Variants in KCTD16 observed in about 807,000 individuals in gnomAD.
KCTD16 encodes the protein potassium channel tetramerization domain containing 16, also known as BTB/POZ domain-containing protein KCTD16.
In KCTD16, 13 loss-of-function variants were observed where a neutral mutation model predicts 33.2. That is an observed-to-expected ratio of 0.39 (90% CI 0.25 to 0.62). The LOEUF (loss-of-function observed/expected upper bound fraction) is 0.62. KCTD16 is among the 20% of genes least tolerant of loss of function. The pLI, the probability that KCTD16 is intolerant of heterozygous loss-of-function variation, is 0.50. For missense variants in KCTD16, 441 were observed against 525.1 expected (o/e 0.84, Z 1.57); for synonymous variants, 197 against 195.3 (o/e 1.01, Z -0.07).
intron 2 of KCTD16, among the ~76,000 whole-genome samples, chr5:144,191,481 C>T (rs1054589108): frequency 3.9e-5 from 6 of 152,134 alleles, no homozygotes; most frequent in Admixed American, 6.5e-5. Context: ...TTTTCAACCA[C>T]TTTTCCCTTC....
At chr5:144,254,174 G>A (rs554073152) in intron 3 of KCTD16, among the ~76,000 whole-genome samples, 1 of 151,508 alleles carries the variant, frequency 6.6e-6, no homozygotes, top group Non-Finnish European at 1.5e-5. Context: ...GTCTCGCTCT[G>A]TCGCCCAGGC....
rs1325519716 is a variant in KCTD16, at chr5:144,320,003, T to G, written c.832+112457T>G. On this transcript the variant is annotated intron_variant, in intron 3 of 3. Coordinates refer to ENST00000512467, the MANE Select transcript of KCTD16 (RefSeq NM_020768.4). ...ATTCAACTTGACTGAAAGCTCCTCTTTTACCATTGCTTTATATTTAGAGTA... is the reference window on the plus strand; with the variant it reads ...ATTCAACTTGACTGAAAGCTCCTCTGTTACCATTGCTTTATATTTAGAGTA... Among the ~76,000 whole-genome samples, 5 of 152,272 alleles carry G rather than the reference T, an allele frequency of 3.3e-5. No homozygotes were observed. The East Asian group carries it at 7.7e-4, about 24-fold the overall frequency.
chr5:144,422,535 G>A (rs1712955190), intron 3 of KCTD16, among the ~76,000 whole-genome samples: 1 of 152,150 alleles, frequency 6.6e-6, no homozygotes, highest in South Asian at 2.1e-4. Context: ...TCTCCAAATA[G>A]TACAGCCCTA....
At chr5:144,315,165 C>A (rs1425908795) in intron 3 of KCTD16, among the ~76,000 whole-genome samples, 1 of 152,148 alleles carries the variant, frequency 6.6e-6, no homozygotes, top group Non-Finnish European at 1.5e-5. Context: ...TTTGTGAAGA[C>A]CAGAGAACTG....
At chr5:144,465,291 C>T (rs1754303387) in intron 3 of KCTD16, among the ~76,000 whole-genome samples, 3 of 149,608 alleles carry the variant, frequency 2.0e-5, no homozygotes, top group Admixed American at 1.4e-4. Context: ...AGTACCCTGT[C>T]CTGTGTTTAT....
rs750271620 is a variant in KCTD16, at chr5:144,474,123, T to G, written c.*9T>G. ...GGAAGTATCATCTATAAGGGAGGGCTGGGGGCGGGAAAAGAAAAAAAAAAG... is the reference window on the plus strand; with the variant it reads ...GGAAGTATCATCTATAAGGGAGGGCGGGGGGCGGGAAAAGAAAAAAAAAAG... On this transcript the variant is annotated 3_prime_UTR_variant, in exon 4 of 4. Coordinates refer to ENST00000512467, the MANE Select transcript of KCTD16 (RefSeq NM_020768.4). 1.4e-5 allele frequency: 20 copies of G among 1,466,046 alleles called. No homozygotes were observed. Among genetic ancestry groups the G allele is most frequent in the East Asian group, 4.6e-5 (2 of 43,744 alleles). 90.8% of individuals were successfully genotyped at this position (1,466,046 alleles called of 1,614,324 possible). A position where few individuals can be genotyped will look rare whatever the true frequency, so the allele number is the denominator to read the frequency against.
chr5:144,284,852 C>G (rs1399648487), intron 3 of KCTD16, among the ~76,000 whole-genome samples: 1 of 152,168 alleles, frequency 6.6e-6, no homozygotes, highest in Admixed American at 6.5e-5. Context: ...ATGGAAGCCT[C>G]TTTTTCCTCT....
intron 3 of KCTD16, among the ~76,000 whole-genome samples, chr5:144,355,017 A>T (rs1751540893): frequency 6.6e-6 from 1 of 152,174 alleles, no homozygotes; most frequent in African/African-American, 2.4e-5. Flanking sequence ...TCTTCACAAC[A>T]TCCCCAGGAG....
Position 144,330,411 on chromosome 5 carries a change from CAAAAAAAAAAAA to C in KCTD16, c.832+122877_832+122888del, listed in dbSNP as rs10577099. Among the ~76,000 whole-genome samples the C allele has an allele frequency of 6.9e-5, 6 of 87,412 alleles. No individual in the cohort carries two copies. The Admixed American group carries it at 7.6e-4, about 11-fold the overall frequency. The allele number at this position is 87,412 out of a possible 152,430, so 57.3% of individuals were successfully genotyped here. On this transcript the variant is annotated intron_variant, in intron 3 of 3. Transcript: ENST00000512467. Reference sequence around the variant, plus strand: ...CTGGGCAACAAGAGCGAAACTCCATCAAAAAAAAAAAAAAAAAAAAAAAGACATCTAAGGCTT... The same window carrying C: ...CTGGGCAACAAGAGCGAAACTCCATCAAAAAAAAAAAGACATCTAAGGCTT...
intron 3 of KCTD16, among the ~76,000 whole-genome samples, chr5:144,404,116 C>T (rs1205726294): frequency 2.6e-5 from 4 of 152,142 alleles, no homozygotes; most frequent in African/African-American, 4.8e-5. Flanking sequence ...CTGAGAATGT[C>T]TCATGCTCTA....
chr5:144,460,418 T>C (rs2895226), intron 3 of KCTD16, among the ~76,000 whole-genome samples: 66,705 of 151,984 alleles, frequency 0.44, 14,949 homozygotes, highest in East Asian at 0.67. Context: ...TTTATTTTCT[T>C]CATAGCCCTC....
chr5:144,300,975 G>T (rs958455310), intron 3 of KCTD16, among the ~76,000 whole-genome samples: 2 of 152,110 alleles, frequency 1.3e-5, no homozygotes, highest in African/African-American at 2.4e-5. Flanking sequence ...CGGCACAGTG[G>T]CTTACTCCTG....
At chr5:144,247,925 G>A (rs935549418) in intron 3 of KCTD16, among the ~76,000 whole-genome samples, 1 of 152,112 alleles carries the variant, frequency 6.6e-6, no homozygotes, top group Non-Finnish European at 1.5e-5. Context: ...TGATGAGCAG[G>A]TCCTGGGCTA....
intron 3 of KCTD16, among the ~76,000 whole-genome samples, chr5:144,361,991 T>G (rs1000992989): frequency 2.6e-5 from 4 of 151,864 alleles, no homozygotes; most frequent in Non-Finnish European, 5.9e-5. Context: ...TCACTTAACA[T>G]TTCTCCAAAT....
At chr5:144,204,274 G>T (rs1303903259) in intron 2 of KCTD16, among the ~76,000 whole-genome samples, 2 of 152,152 alleles carry the variant, frequency 1.3e-5, no homozygotes, top group Non-Finnish European at 2.9e-5. Context: ...AATTGTTTGG[G>T]ATGGCGTGTG....
At chr5:144,368,592 C>A (rs557006363) in intron 3 of KCTD16, among the ~76,000 whole-genome samples, 5 of 152,220 alleles carry the variant, frequency 3.3e-5, no homozygotes, top group African/African-American at 1.2e-4. Context: ...TAAAAAAGCC[C>A]AGCCCAGACA....
chr5:144,345,993 C>T (rs1752790889), intron 3 of KCTD16, among the ~76,000 whole-genome samples: 1 of 150,980 alleles, frequency 6.6e-6, no homozygotes, highest in Non-Finnish European at 1.5e-5. Context: ...CCTCCACCTC[C>T]CCCCAAGTCC....
intron 3 of KCTD16, among the ~76,000 whole-genome samples, chr5:144,389,637 G>C (rs1185134641): frequency 6.8e-6 from 1 of 147,542 alleles, no homozygotes; most frequent in Non-Finnish European, 1.5e-5. Context: ...CAACACACTT[G>C]AATCATCCTG....
At chr5:144,262,181 C>G (rs1379146569) in intron 3 of KCTD16, among the ~76,000 whole-genome samples, 1 of 152,098 alleles carries the variant, frequency 6.6e-6, no homozygotes, top group Admixed American at 6.5e-5. Context: ...AACATATGAA[C>G]CAAGACCTGT....
Sources: gnomAD v4.1 joint callset for allele counts (sites outside exome capture counted in the v4.1 genomes callset) on GRCh38, gnomAD v4.1.1 for gene constraint, MANE v1.5 for transcripts, NCBI Gene and HGNC (gene_info 2026-07-23, HGNC 2026-07-21) for gene names.